MYLK: variants seen among roughly 807,000 people sequenced by gnomAD.
The protein encoded by MYLK is myosin light chain kinase, also known as myosin light chain kinase, smooth muscle.
Under a neutral mutation model 203.4 loss-of-function variants are expected in MYLK, and 106 were observed. That is an observed-to-expected ratio of 0.52 (90% CI 0.45 to 0.61). The LOEUF (loss-of-function observed/expected upper bound fraction) is 0.61, where lower values mean the gene tolerates loss of function less well. Among genes scored for constraint, MYLK ranks in the 20% least tolerant of loss-of-function variants. MYLK has a pLI of 0.00. For missense variants in MYLK, 2,072 were observed against 2,442.3 expected (o/e 0.85, Z 3.20); for synonymous variants, 867 against 959.5 (o/e 0.90, Z 1.78).
At chr3:123,696,662 C>T (rs2060940832) in intron 18 of MYLK, among the ~76,000 whole-genome samples, 1 of 152,140 alleles carries the variant, frequency 6.6e-6, no homozygotes, top group Admixed American at 6.5e-5. Context: ...TCTATCCTTG[C>T]TTCTTGAACT....
chr3:123,809,358 C>G (rs1396937049), intron 3 of MYLK, among the ~76,000 whole-genome samples: 2 of 152,136 alleles, frequency 1.3e-5, no homozygotes, highest in African/African-American at 4.8e-5. Context: ...AACAGCATCT[C>G]TACTAAAAAT....
chr3:123,824,121 C>G (rs1468912749), intron 3 of MYLK, among the ~76,000 whole-genome samples: 3 of 150,674 alleles, frequency 2.0e-5, no homozygotes, highest in Admixed American at 6.6e-5. Context: ...CGGAGTTTCA[C>G]TCTTGTCCCC....
chr3:123,769,078 C>T (rs2063793520), intron 4 of MYLK, among the ~76,000 whole-genome samples: 1 of 152,200 alleles, frequency 6.6e-6, no homozygotes, highest in Admixed American at 6.5e-5. Flanking sequence ...TACTTAAAAT[C>T]AGGCCTGTCC....
chr3:123,849,523 G>A (rs2030476376), intron 2 of MYLK, among the ~76,000 whole-genome samples: 1 of 152,100 alleles, frequency 6.6e-6, no homozygotes, highest in African/African-American at 2.4e-5. Flanking sequence ...ATGTGGGGTG[G>A]TGCCATAAGA....
chr3:123,863,069 G>A (rs920613882), intron 2 of MYLK, among the ~76,000 whole-genome samples: 3 of 152,170 alleles, frequency 2.0e-5, no homozygotes, highest in African/African-American at 7.2e-5. Flanking sequence ...TCTGCCAGGT[G>A]TGGTTACTTA....
Position 123,640,510 on chromosome 3 carries a change from G to A in MYLK, c.4620-6C>T, listed in dbSNP as rs113607507. 1.8e-3 allele frequency: 2,947 copies of A among 1,613,804 alleles called. 7 individuals are homozygous for A. The highest frequency in any genetic ancestry group is 7.6e-3 in the Middle Eastern group (44 of 5,752). ...ACAGCTCCCCTCCTGACACGCTGCG[G>A]GAACACGTGCACGGGGTGGTCAGGC... On this transcript the variant is annotated splice_region_variant and splice_polypyrimidine_tract_variant and intron_variant, in intron 27 of 33. Coordinates refer to ENST00000360304, the MANE Select transcript of MYLK (RefSeq NM_053025.4). This position sits in a 1 kb window ranked among gnomAD's most constrained non-coding sequence, Gnocchi z 4.3.
chr3:123,658,300 C>G (rs1411935883), intron 23 of MYLK, among the ~76,000 whole-genome samples: 2 of 152,202 alleles, frequency 1.3e-5, no homozygotes, highest in African/African-American at 4.8e-5. Context: ...AGAAGTGGCC[C>G]TTTTGGCTGG....
At chr3:123,647,073 C>T (rs1002647952) in intron 27 of MYLK, 151 bp downstream of exon 27, 12 of 748,028 alleles carry the variant, frequency 1.6e-5, no homozygotes, top group Non-Finnish European at 2.8e-5. Context: ...TTTGGTCAGG[C>T]CTGGCTGTAT....
At chr3:123,754,618 G>T (rs1490426621) in intron 4 of MYLK, among the ~76,000 whole-genome samples, 1 of 152,148 alleles carries the variant, frequency 6.6e-6, no homozygotes, top group Admixed American at 6.5e-5. Context: ...GATGCACAGG[G>T]TCTCACAGCC....
intron 3 of MYLK, among the ~76,000 whole-genome samples, chr3:123,812,645 T>A (rs905464966): frequency 3.3e-5 from 5 of 152,188 alleles, no homozygotes; most frequent in African/African-American, 1.2e-4. Context: ...ACCAACCAAC[T>A]GAACAAAACA....
At chr3:123,620,087 A>T in intron 32 of MYLK, 120 bp downstream of exon 32, 1 of 883,716 alleles carries the variant, frequency 1.1e-6, no homozygotes, top group Non-Finnish European at 1.8e-6. Context: ...TTCTGAATTT[A>T]TCCTTGCAGG....
At chr3:123,845,799 A>G (rs960403572) in intron 2 of MYLK, among the ~76,000 whole-genome samples, 17 of 152,174 alleles carry the variant, frequency 1.1e-4, no homozygotes, top group African/African-American at 4.1e-4. Flanking sequence ...GACTACAGCT[A>G]CACACTTCTA....
chr3:123,692,546 C>A lies in MYLK; in HGVS notation c.3565+189G>T, dbSNP rs74868537. The A allele has an allele frequency of 8.1e-4, 629 of 773,466 alleles. 1 individual carries two copies. In the African/African-American group the frequency reaches 8.6e-3, roughly 11 times the overall value. The allele number at this position is 773,466 out of a possible 1,614,324, so 47.9% of individuals were successfully genotyped here. A position where few individuals can be genotyped will look rare whatever the true frequency, so the allele number is the denominator to read the frequency against. On this transcript the variant is annotated intron_variant, in intron 19 of 33. Coordinates refer to ENST00000360304, the MANE Select transcript of MYLK (RefSeq NM_053025.4). Reference sequence around the variant, plus strand: ...AAGCCATGTAGGTGATCAAGTAGAGCTGCCACTTTCCTTCCTGTCTCTTTT... The same window carrying A: ...AAGCCATGTAGGTGATCAAGTAGAGATGCCACTTTCCTTCCTGTCTCTTTT...
At chr3:123,740,366 C>T (rs961976986) in intron 5 of MYLK, among the ~76,000 whole-genome samples, 1 of 152,200 alleles carries the variant, frequency 6.6e-6, no homozygotes, top group Non-Finnish European at 1.5e-5. Context: ...GTAGTACGCT[C>T]TACCTTCCAT....
At chr3:123,678,550 T>A (rs1295951137) in intron 20 of MYLK, among the ~76,000 whole-genome samples, 2 of 151,178 alleles carry the variant, frequency 1.3e-5, no homozygotes, top group Non-Finnish European at 2.9e-5. Context: ...GAACTGGTCA[T>A]GATCTATTTG....
intron 16 of MYLK, among the ~76,000 whole-genome samples, chr3:123,704,747 CAAAAAAA>C (rs5852352): frequency 0.022 from 1,890 of 87,714 alleles, 51 homozygotes; most frequent in African/African-American, 0.075. Context: ...ACTAAAAATA[CAAAAAAA>C]AAAAAAAAAA....
At chr3:123,787,810 C>A (rs1030655306) in intron 4 of MYLK, among the ~76,000 whole-genome samples, 2 of 152,162 alleles carry the variant, frequency 1.3e-5, no homozygotes, top group Non-Finnish European at 2.9e-5. Flanking sequence ...CCCTTTCTAT[C>A]ATATCTACCC....
intron 4 of MYLK, among the ~76,000 whole-genome samples, chr3:123,784,385 T>C (rs2064425104): frequency 6.8e-6 from 1 of 147,986 alleles, no homozygotes; most frequent in Admixed American, 6.7e-5. Flanking sequence ...TCTTTTTTTT[T>C]TTTTTTTTTT....
rs1468143476 is a variant in MYLK, at chr3:123,620,354, G to C, written c.5239-18C>G. 3.1e-6 allele frequency: 5 copies of C among 1,613,986 alleles called. No homozygotes were observed. The highest frequency in any genetic ancestry group is 1.7e-4 in the Middle Eastern group (1 of 6,048). Reference sequence around the variant, plus strand: ...CCCGTTTTCTGGAAAATAGACACGAGGGTTGGACTCAGGCGTTGTCCCTGG... The same window carrying C: ...CCCGTTTTCTGGAAAATAGACACGACGGTTGGACTCAGGCGTTGTCCCTGG... On this transcript the variant is annotated intron_variant, in intron 31 of 33. Coordinates refer to ENST00000360304, the MANE Select transcript of MYLK (RefSeq NM_053025.4).
Sources: gnomAD v4.1 joint callset for allele counts (sites outside exome capture counted in the v4.1 genomes callset) on GRCh38, gnomAD v4.1.1 for gene constraint, Gnocchi (gnomAD v3.1) non-coding constraint, MANE v1.5 for transcripts, NCBI Gene and HGNC (gene_info 2026-07-23, HGNC 2026-07-21) for gene names.